Variants in GALNTL6 observed in about 807,000 individuals in gnomAD.
The protein encoded by GALNTL6 is polypeptide N-acetylgalactosaminyltransferase like 6.
Under a neutral mutation model 73.7 loss-of-function variants are expected in GALNTL6, and 46 were observed. That is an observed-to-expected ratio of 0.62 (90% CI 0.49 to 0.80). GALNTL6 has a LOEUF of 0.80. Among genes scored for constraint, GALNTL6 ranks in the 30% least tolerant of loss-of-function variants. GALNTL6 has a pLI of 0.00. For missense variants in GALNTL6, 604 were observed against 755.0 expected (o/e 0.80, Z 2.34); for synonymous variants, 259 against 263.7 (o/e 0.98, Z 0.17).
intron 8 of GALNTL6, among the ~76,000 whole-genome samples, chr4:172,895,422 A>C (rs945643590): frequency 3.4e-5 from 5 of 147,084 alleles, no homozygotes; most frequent in African/African-American, 1.3e-4. Context: ...TGCTTTCAGC[A>C]CTCTGAATCT....
In GALNTL6 at chr4:172,877,575, T is replaced by C. The variant is rs148884620; in HGVS notation, c.924-5215T>C. Among the ~76,000 whole-genome samples the C allele has an allele frequency of 3.9e-3, 590 of 152,054 alleles. 2 individuals are homozygous for C. The highest frequency in any genetic ancestry group is 0.014 in the African/African-American group (569 of 41,532). ...CTCATTAATTTAAAATTTAGCTAAG[T>C]TTAGAATATAAAAATTGCTATAGAA... On this transcript the variant is annotated intron_variant, in intron 7 of 12. Transcript: ENST00000506823.
At chr4:172,488,025 G>C (rs1336993569) in intron 5 of GALNTL6, among the ~76,000 whole-genome samples, 1 of 152,092 alleles carries the variant, frequency 6.6e-6, no homozygotes, top group African/African-American at 2.4e-5. Flanking sequence ...TGATAATGGT[G>C]CATACTATTA....
intron 2 of GALNTL6, among the ~76,000 whole-genome samples, chr4:171,894,574 C>A (rs1010400722): frequency 6.6e-5 from 10 of 152,262 alleles, no homozygotes; most frequent in African/African-American, 2.2e-4. Context: ...AAGATGGAAT[C>A]TTGCTCTTTT....
At chr4:172,581,102 A>C (rs1737168039) in intron 5 of GALNTL6, among the ~76,000 whole-genome samples, 1 of 152,198 alleles carries the variant, frequency 6.6e-6, no homozygotes, top group Non-Finnish European at 1.5e-5. Context: ...GTTTCTAAAG[A>C]AGGACTTGAT....
chr4:172,267,041 G>A (rs1343600261), intron 3 of GALNTL6, among the ~76,000 whole-genome samples: 1 of 152,108 alleles, frequency 6.6e-6, no homozygotes, highest in Non-Finnish European at 1.5e-5. Context: ...TCCCTTGGAT[G>A]ACAGTGAAAA....
At chr4:171,942,020 A>G (rs1738561009) in intron 2 of GALNTL6, among the ~76,000 whole-genome samples, 1 of 152,174 alleles carries the variant, frequency 6.6e-6, no homozygotes, top group Non-Finnish European at 1.5e-5. Flanking sequence ...TTCAGGAAAT[A>G]GTTGAGCCCT....
At chr4:172,247,393 C>T (rs1311901871) in intron 3 of GALNTL6, among the ~76,000 whole-genome samples, 1 of 152,136 alleles carries the variant, frequency 6.6e-6, no homozygotes, top group African/African-American at 2.4e-5. Context: ...CTCTCCTCTA[C>T]CTTGTGTTGT....
intron 2 of GALNTL6, among the ~76,000 whole-genome samples, chr4:171,973,472 C>T (rs1739629619): frequency 6.6e-6 from 1 of 152,120 alleles, no homozygotes; most frequent in African/African-American, 2.4e-5. Context: ...GTGGCAGCAT[C>T]AGGTCAATTT....
rs151207951 is a variant in GALNTL6 at position 171,821,362 on chromosome 4, G to A, written c.138+6644G>A. Among the ~76,000 whole-genome samples, 696 of 152,128 alleles carry A rather than the reference G, an allele frequency of 4.6e-3. 2 individuals carry two copies. The highest frequency in any genetic ancestry group is 7.2e-3 in the Non-Finnish European group (491 of 67,996). On this transcript the variant is annotated intron_variant, in intron 2 of 12. Coordinates refer to ENST00000506823, the MANE Select transcript of GALNTL6 (RefSeq NM_001034845.3). The stretch of plus-strand genomic sequence containing the variant: ...AGCCTTGTGCCCTTATTTCTGACAT[G>A]TCTCCCCAGCTGGAAAATCCAATTG...
chr4:172,605,701 A>C (rs1738229545), intron 5 of GALNTL6, among the ~76,000 whole-genome samples: 1 of 152,120 alleles, frequency 6.6e-6, no homozygotes, highest in Non-Finnish European at 1.5e-5. Flanking sequence ...TATAAGATAT[A>C]AATGATGCAG....
chr4:172,924,595 G>A (rs1484848605), intron 8 of GALNTL6, among the ~76,000 whole-genome samples: 2 of 152,174 alleles, frequency 1.3e-5, no homozygotes, highest in Non-Finnish European at 2.9e-5. Context: ...TAGGAAAGAA[G>A]GAAAGGGAAG....
At chr4:172,785,261 G>T (rs1264026228) in intron 5 of GALNTL6, among the ~76,000 whole-genome samples, 3 of 152,056 alleles carry the variant, frequency 2.0e-5, no homozygotes, top group African/African-American at 7.2e-5. Context: ...AAATGTTCAA[G>T]AAACAGCATA....
intron 5 of GALNTL6, among the ~76,000 whole-genome samples, chr4:172,651,006 C>G (rs1740452108): frequency 6.6e-6 from 1 of 152,066 alleles, no homozygotes; most frequent in African/African-American, 2.4e-5. Flanking sequence ...ATCCTATTTA[C>G]TATAGTCAGA....
intron 2 of GALNTL6, among the ~76,000 whole-genome samples, chr4:172,012,242 C>G (rs1233951517): frequency 6.6e-6 from 1 of 152,056 alleles, no homozygotes; most frequent in Admixed American, 6.6e-5. Context: ...TCCACCTAAA[C>G]AGTGTCACCA....
chr4:172,191,985 G>C (rs933145030), intron 2 of GALNTL6, among the ~76,000 whole-genome samples: 4 of 151,834 alleles, frequency 2.6e-5, no homozygotes, highest in African/African-American at 9.7e-5. Context: ...ACCTATTTCT[G>C]ATTTTTAAAA....
At chr4:172,656,019 T>C (rs944355694) in intron 5 of GALNTL6, among the ~76,000 whole-genome samples, 1 of 152,212 alleles carries the variant, frequency 6.6e-6, no homozygotes, top group South Asian at 2.1e-4. Flanking sequence ...CACCATATAA[T>C]TAATGCTATT....
At chr4:171,926,889 T>A (rs1378176529) in intron 2 of GALNTL6, among the ~76,000 whole-genome samples, 1 of 152,170 alleles carries the variant, frequency 6.6e-6, no homozygotes, top group Non-Finnish European at 1.5e-5. Context: ...AGTTTCTACT[T>A]TTTTTGTATG....
At chr4:172,932,537 T>C (rs563377535) in intron 9 of GALNTL6, among the ~76,000 whole-genome samples, 2 of 152,270 alleles carry the variant, frequency 1.3e-5, no homozygotes, top group East Asian at 3.9e-4. Context: ...AACATTACCT[T>C]ACACACACCT....
At chr4:172,544,585 T>C (rs1735683456) in intron 5 of GALNTL6, among the ~76,000 whole-genome samples, 1 of 152,192 alleles carries the variant, frequency 6.6e-6, no homozygotes, top group South Asian at 2.1e-4. Flanking sequence ...TATATATTAT[T>C]TGTCTTCCTC....
Sources: allele counts gnomAD v4.1 joint callset (sites outside exome capture counted in the v4.1 genomes callset), GRCh38; gene constraint gnomAD v4.1.1; transcripts MANE v1.5; gene names NCBI Gene and HGNC (gene_info 2026-07-23, HGNC 2026-07-21).